The following DOCK5 variants were observed in gnomAD, a reference collection of about 807,000 sequenced individuals.
The protein encoded by DOCK5 is dedicator of cytokinesis 5, also known as dedicator of cytokinesis protein 5.
A neutral mutation model predicts 251.8 loss-of-function variants in DOCK5; 142 were observed. The observed-to-expected ratio is 0.56, with a 90% CI of 0.49 to 0.65. The LOEUF (loss-of-function observed/expected upper bound fraction) is 0.65. Among genes scored for constraint, DOCK5 ranks in the 30% least tolerant of loss-of-function variants. The pLI is 0.00. For missense variants in DOCK5, 2,111 were observed against 2,312.3 expected, an observed-to-expected ratio of 0.91 and a Z score of 1.79; for synonymous variants, 842 against 835.5, an observed-to-expected ratio of 1.01 and a Z score of -0.13.
intron 13 of DOCK5, among the ~76,000 whole-genome samples, chr8:25,313,987 A>C (rs554929407): frequency 3.9e-5 from 6 of 152,112 alleles, no homozygotes; most frequent in Non-Finnish European, 7.4e-5. Flanking sequence ...CCCTAGGGGT[A>C]TCATCCACTC....
At chr8:25,315,247 C>G (rs1248950748) in intron 13 of DOCK5, among the ~76,000 whole-genome samples, 2 of 151,072 alleles carry the variant, frequency 1.3e-5, no homozygotes, top group Non-Finnish European at 2.9e-5. Flanking sequence ...CAGGTTGTCT[C>G]CTACCTCTGG....
chr8:25,341,868 G>T (rs1179598335), intron 24 of DOCK5, 59 bp downstream of exon 24: 25 of 1,393,096 alleles, frequency 1.8e-5, no homozygotes, highest in Non-Finnish European at 2.5e-5. Flanking sequence ...CCCCTGCTTG[G>T]CTGGAGCCTG....
chr8:25,261,859 T>G (rs1353420268), intron 2 of DOCK5, among the ~76,000 whole-genome samples: 1 of 152,194 alleles, frequency 6.6e-6, no homozygotes, highest in African/African-American at 2.4e-5. Flanking sequence ...GAATTAGATG[T>G]GTCTATTGTG....
intron 5 of DOCK5, among the ~76,000 whole-genome samples, chr8:25,288,682 C>G (rs996524645): frequency 4.6e-5 from 7 of 152,150 alleles, no homozygotes; most frequent in Non-Finnish European, 1.0e-4. Flanking sequence ...AGAAAGAAAA[C>G]AAGAGTCTCT....
intron 4 of DOCK5, chr8:25,277,173 A>G (rs1804062608): frequency 6.5e-6 from 1 of 154,168 alleles, no homozygotes; most frequent in African/African-American, 2.4e-5. Context: ...AGTATGCAAC[A>G]TTGGTCTGTA....
chr8:25,295,210 G>A (rs1299237606), intron 6 of DOCK5, among the ~76,000 whole-genome samples: 3 of 151,986 alleles, frequency 2.0e-5, no homozygotes, highest in African/African-American at 4.8e-5. Context: ...AGACCGAAGT[G>A]GGAGGCTCAC....
intron 28 of DOCK5, among the ~76,000 whole-genome samples, chr8:25,360,463 A>T (rs1303739327): frequency 6.6e-6 from 1 of 152,180 alleles, no homozygotes; most frequent in Non-Finnish European, 1.5e-5. Flanking sequence ...AAGGTTAGCC[A>T]TGTGTTCTCT....
intron 51 of DOCK5, among the ~76,000 whole-genome samples, 193 bp from the exon 52 acceptor site, chr8:25,410,995 GCACGCA>G (rs1801621632): frequency 1.6e-5 from 1 of 61,050 alleles, no homozygotes. Flanking sequence ...ACGCACGCAC[GCACGCA>G]CGCGTGTGTC....
chr8:25,296,108 C>G (rs572332394), intron 6 of DOCK5, among the ~76,000 whole-genome samples: 4 of 152,296 alleles, frequency 2.6e-5, no homozygotes, highest in African/African-American at 9.6e-5. Flanking sequence ...ACGTGAACCA[C>G]GACGCCTGGC....
intron 11 of DOCK5, among the ~76,000 whole-genome samples, chr8:25,306,648 C>T (rs1453656137): frequency 6.6e-6 from 1 of 151,646 alleles, no homozygotes; most frequent in Non-Finnish European, 1.5e-5. Context: ...GAGCCAAGAT[C>T]ACGCCACTGC....
chr8:25,260,527 C>A (rs1455505478), intron 2 of DOCK5, among the ~76,000 whole-genome samples: 1 of 152,168 alleles, frequency 6.6e-6, no homozygotes, highest in Non-Finnish European at 1.5e-5. Flanking sequence ...GTTGGGAAAT[C>A]ATGCGTCCCT....
In DOCK5 at chr8:25,254,504, A is replaced by C. The variant is rs976470085; in HGVS notation, c.127+10747A>C. On this transcript the variant is annotated intron_variant, in intron 2 of 51. Transcript: ENST00000276440. ...AAAAGAGAAATTTGAGGGTGGGCCC[A>C]GTGGCTCACACCTGTAATCTCAGCA... Among the ~76,000 whole-genome samples the C allele has an allele frequency of 3.9e-5, 6 of 152,166 alleles. No homozygotes were observed. The East Asian group carries it at 5.8e-4, about 15-fold the overall frequency.
chr8:25,407,942 G>T (rs1362830019), intron 48 of DOCK5, 41 bp from the exon 49 acceptor site: 2 of 1,566,954 alleles, frequency 1.3e-6, no homozygotes, highest in South Asian at 2.4e-5. Context: ...ATTGCAAGGT[G>T]ATCAGTATTT....
chr8:25,310,322 C>T, intron 12 of DOCK5, 85 bp from the exon 13 acceptor site: 1 of 1,384,314 alleles, frequency 7.2e-7, no homozygotes, highest in South Asian at 1.5e-5. Flanking sequence ...TGTGACTATA[C>T]AACTCAAATG....
intron 41 of DOCK5, 76 bp from the exon 42 acceptor site, chr8:25,390,130 C>G (rs1448122830): frequency 2.0e-5 from 26 of 1,298,458 alleles, no homozygotes; most frequent in Non-Finnish European, 2.8e-5. Context: ...GGCTGTGAAG[C>G]AGGAGGAACA....
intron 2 of DOCK5, among the ~76,000 whole-genome samples, chr8:25,256,976 A>T (rs1189318190): frequency 6.6e-6 from 1 of 151,694 alleles, no homozygotes; most frequent in African/African-American, 2.4e-5. Flanking sequence ...AAATAAAATT[A>T]TGTCTTCATA....
At chr8:25,280,785 C>T (rs1804169316) in intron 5 of DOCK5, among the ~76,000 whole-genome samples, 1 of 152,072 alleles carries the variant, frequency 6.6e-6, no homozygotes, top group Non-Finnish European at 1.5e-5. Flanking sequence ...GCCCCGTGGC[C>T]TTCATTGATC....
intron 5 of DOCK5, 56 bp downstream of exon 5, chr8:25,278,721 A>G (rs1453825809): frequency 1.3e-6 from 2 of 1,537,078 alleles, no homozygotes; most frequent in African/African-American, 1.4e-5. Flanking sequence ...CTCAGCCTGT[A>G]GGTCCTTTGC....
rs1258043387 is a variant in DOCK5 at position 25,300,644 on chromosome 8, A to T, written c.833A>T (p.Gln278Leu). 2 of 1,612,882 alleles carry T rather than the reference A, an allele frequency of 1.2e-6. No homozygotes were observed. Among genetic ancestry groups the T allele is most frequent in the East Asian group, 4.5e-5 (2 of 44,852 alleles). Residue 278 changes from glutamine to leucine, a missense_variant, in exon 9 of 52, where the codon CAA (glutamine) becomes CTA (leucine). Physicochemically the swap from Gln to Leu is moderately radical, Grantham distance 113. This residue lies in a region of DOCK5 where 59 missense variants were observed against 95.0 expected (regional missense o/e 0.62). Transcript: ENST00000276440. Reference sequence around the variant, plus strand: ...GAAATAGAGAAGCTCAATAACCTCCAAGCAGTGTTTACAGTAAGTCCTCCC... The same window carrying T: ...GAAATAGAGAAGCTCAATAACCTCCTAGCAGTGTTTACAGTAAGTCCTCCC... ...PKEIEKLNNL[Q>L]AVFTDLSSMD...
Sources: gnomAD v4.1 joint callset for allele counts (sites outside exome capture counted in the v4.1 genomes callset) on GRCh38, gnomAD v4.1.1 for gene constraint, gnomAD v4.1.1 regional missense constraint, MANE v1.5 for transcripts, NCBI Gene and HGNC (gene_info 2026-07-23, HGNC 2026-07-21) for gene names.